Variants in OPHN1 observed in about 807,000 individuals in gnomAD.
OPHN1 encodes the protein oligophrenin-1.
A neutral mutation model predicts 60.7 loss-of-function variants in OPHN1; 11 were observed. The ratio of observed to expected loss-of-function variants is 0.18; its 90% CI spans 0.11 to 0.30. OPHN1 has a LOEUF of 0.30. Among genes scored for constraint, OPHN1 ranks in the 10% least tolerant of loss-of-function variants. The pLI, the probability that OPHN1 is intolerant of heterozygous loss-of-function variation, is 1.00. For missense variants in OPHN1, 449 were observed against 611.0 expected (o/e 0.73, Z 2.80); for synonymous variants, 226 against 222.6 (o/e 1.02, Z -0.14).
intron 2 of OPHN1, among the ~76,000 whole-genome samples, chrX:68,302,045 G>A (rs1372409152): frequency 8.9e-6 from 1 of 112,281 alleles, no homozygotes; most frequent in African/African-American, 3.2e-5. Flanking sequence ...ATTCATCCAC[G>A]TTATCGCTTG....
At chrX:68,184,209 AT>A (rs1299691597) in intron 15 of OPHN1, among the ~76,000 whole-genome samples, 3 of 112,124 alleles carry the variant, frequency 2.7e-5, no homozygotes, top group African/African-American at 9.7e-5. Flanking sequence ...AATAAAAAAA[AT>A]AAAAGGCAAT....
chrX:68,086,181 CAA>C, intron 19 of OPHN1, among the ~76,000 whole-genome samples: 1 of 71,205 alleles, frequency 1.4e-5, no homozygotes, highest in East Asian at 4.8e-4. Context: ...ACTCTGTCTC[CAA>C]AAAAAAAAAA....
chrX:68,221,460 C>T (rs1444633343), intron 6 of OPHN1, among the ~76,000 whole-genome samples: 21 of 66,805 alleles, frequency 3.1e-4, no homozygotes, highest in Non-Finnish European at 4.8e-4. Flanking sequence ...AAAAAGAGCC[C>T]GCATCGCCAA....
chrX:68,174,100 A>G (rs1319293976), intron 15 of OPHN1, among the ~76,000 whole-genome samples: 3 of 112,021 alleles, frequency 2.7e-5, no homozygotes, highest in Non-Finnish European at 1.9e-5. Flanking sequence ...TAAAATGCAC[A>G]GTTAAGATCT....
chrX:68,123,662 C>T (rs1387775058), intron 15 of OPHN1, among the ~76,000 whole-genome samples: 1 of 111,356 alleles, frequency 9.0e-6, no homozygotes, highest in Non-Finnish European at 1.9e-5. Context: ...TATAAGTTGT[C>T]ATCAGTTTAC....
intron 19 of OPHN1, among the ~76,000 whole-genome samples, chrX:68,076,704 G>A (rs968777478): frequency 1.8e-5 from 2 of 111,524 alleles, no homozygotes; most frequent in African/African-American, 3.3e-5. Context: ...ACATATAGTC[G>A]TACAGACTGT....
chrX:68,237,016 A>T (rs2077755900), intron 5 of OPHN1, among the ~76,000 whole-genome samples: 1 of 111,308 alleles, frequency 9.0e-6, no homozygotes, highest in Non-Finnish European at 1.9e-5. Context: ...ATGGAGTTTC[A>T]CTCTTGTTGC....
chrX:68,357,352 T>G (rs1156984022), intron 2 of OPHN1, among the ~76,000 whole-genome samples: 1 of 111,473 alleles, frequency 9.0e-6, no homozygotes, highest in Non-Finnish European at 1.9e-5. Context: ...GCTGCACCCA[T>G]TAACTTGTCA....
chrX:68,161,435 T>C (rs1356100226), intron 15 of OPHN1, among the ~76,000 whole-genome samples: 1 of 110,961 alleles, frequency 9.0e-6, no homozygotes, highest in Non-Finnish European at 1.9e-5. Flanking sequence ...GGATAATAAA[T>C]GTATTTAAAA....
chrX:68,296,112 A>G (rs2078093804), intron 3 of OPHN1, among the ~76,000 whole-genome samples: 1 of 111,394 alleles, frequency 9.0e-6, no homozygotes, highest in African/African-American at 3.3e-5. Flanking sequence ...AGAGAGCCTC[A>G]GCCTCAGCTG....
At chrX:68,132,856 G>A (rs185428445) in intron 15 of OPHN1, 13,089 of 270,092 alleles carry the variant, frequency 0.048, 323 homozygotes, top group Non-Finnish European at 0.064. Flanking sequence ...TCCCTGGCCC[G>A]TCAGCGACCT....
At chrX:68,147,260 A>G (rs1239895085) in intron 15 of OPHN1, among the ~76,000 whole-genome samples, 1 of 111,790 alleles carries the variant, frequency 8.9e-6, no homozygotes, top group Non-Finnish European at 1.9e-5. Context: ...AATCAACCCC[A>G]AGGATAACCT....
chrX:68,403,581 A>G (rs1459436350), intron 2 of OPHN1, among the ~76,000 whole-genome samples: 1 of 111,137 alleles, frequency 9.0e-6, no homozygotes, highest in Non-Finnish European at 1.9e-5. Context: ...CAGAAATCTA[A>G]GCAGGGGGTC....
At chrX:68,052,028 G>A (rs2076853803) in intron 23 of OPHN1, among the ~76,000 whole-genome samples, 1 of 112,393 alleles carries the variant, frequency 8.9e-6, no homozygotes, top group South Asian at 3.7e-4. Flanking sequence ...AGTGGCTCAC[G>A]CCTGTAATCC....
intron 6 of OPHN1, among the ~76,000 whole-genome samples, chrX:68,224,225 A>G (rs1437793020): frequency 8.9e-6 from 1 of 112,369 alleles, no homozygotes; most frequent in Non-Finnish European, 1.9e-5. Context: ...GAAGAAATCT[A>G]AAAGAATAGA....
chrX:68,223,052 G>A (rs2077671065), intron 6 of OPHN1, among the ~76,000 whole-genome samples: 1 of 112,005 alleles, frequency 8.9e-6, no homozygotes, highest in South Asian at 3.7e-4. Flanking sequence ...AAAAGATGCA[G>A]ATGTGGTTAA....
chrX:68,195,935 G>A (rs140555778), intron 12 of OPHN1, among the ~76,000 whole-genome samples: 3,221 of 111,839 alleles, frequency 0.029, 55 homozygotes, highest in Non-Finnish European at 0.041. Context: ...AACCTAAAGG[G>A]AGAGCAAACT....
At chrX:68,171,135 T>C (rs1259590230) in intron 15 of OPHN1, among the ~76,000 whole-genome samples, 1 of 110,707 alleles carries the variant, frequency 9.0e-6, no homozygotes, top group South Asian at 3.8e-4. Context: ...CTGGACTGTT[T>C]ATAACACAAA....
chrX:68,241,095 G>T (rs2147532533), intron 5 of OPHN1, among the ~76,000 whole-genome samples: 1 of 111,502 alleles, frequency 9.0e-6, no homozygotes, highest in African/African-American at 3.2e-5. Context: ...AATTTTTGAG[G>T]CTTCCTTTAT....
Sources: gnomAD v4.1 joint callset for allele counts (sites outside exome capture counted in the v4.1 genomes callset) on GRCh38, gnomAD v4.1.1 for gene constraint, MANE v1.5 for transcripts, NCBI Gene and HGNC (gene_info 2026-07-23, HGNC 2026-07-21) for gene names.